Variants in ARHGAP15 observed in about 807,000 individuals in gnomAD.
The protein encoded by ARHGAP15 is rho GTPase-activating protein 15.
ARHGAP15 carries 51 observed loss-of-function variants against 63.7 expected under a neutral mutation model. The ratio of observed to expected loss-of-function variants is 0.80; its 90% CI spans 0.64 to 1.01. The LOEUF (loss-of-function observed/expected upper bound fraction) is 1.01. Ranked by LOEUF, ARHGAP15 falls within the 50% of genes least tolerant of loss-of-function variation. The pLI is 0.00. For missense variants in ARHGAP15, 560 were observed against 564.6 expected (o/e 0.99, Z 0.08); for synonymous variants, 191 against 193.8 (o/e 0.99, Z 0.12).
chr2:143,441,901 CAT>C (rs1689900285), intron 8 of ARHGAP15, among the ~76,000 whole-genome samples: 1 of 152,080 alleles, frequency 6.6e-6, no homozygotes, highest in Non-Finnish European at 1.5e-5. Flanking sequence ...CTCTTAATGA[CAT>C]GTGCAATAAG....
intron 11 of ARHGAP15, chr2:143,607,086 T>C (rs185342953): frequency 6.0e-4 from 91 of 152,360 alleles, no homozygotes; most frequent in African/African-American, 2.1e-3. Context: ...GTTTTTAGTT[T>C]TAAGTTTTGC....
chr2:143,690,408 T>C (rs1683543010), intron 12 of ARHGAP15, among the ~76,000 whole-genome samples: 1 of 152,204 alleles, frequency 6.6e-6, no homozygotes, highest in Non-Finnish European at 1.5e-5. Context: ...CACTGAAAGT[T>C]TGCAATCAAA....
chr2:143,165,263 GC>G (rs1281524125), intron 2 of ARHGAP15, among the ~76,000 whole-genome samples: 1 of 152,046 alleles, frequency 6.6e-6, no homozygotes, highest in Non-Finnish European at 1.5e-5. Context: ...AGAAACCAGT[GC>G]TGTTCTTGCC....
intron 8 of ARHGAP15, among the ~76,000 whole-genome samples, chr2:143,453,971 A>G (rs1306290899): frequency 6.6e-6 from 1 of 152,092 alleles, no homozygotes; most frequent in Non-Finnish European, 1.5e-5. Context: ...CTTTGGCAAT[A>G]GAATGTGGAA....
chr2:143,638,784 A>C (rs1680468523), intron 12 of ARHGAP15, among the ~76,000 whole-genome samples: 1 of 151,810 alleles, frequency 6.6e-6, no homozygotes, highest in Non-Finnish European at 1.5e-5. Context: ...TGAATCACTA[A>C]TACTATAAAC....
intron 12 of ARHGAP15, among the ~76,000 whole-genome samples, chr2:143,675,947 G>A (rs1188618583): frequency 1.3e-5 from 2 of 152,126 alleles, no homozygotes; most frequent in Non-Finnish European, 2.9e-5. Flanking sequence ...AACATAACAC[G>A]TTTCATCTCC....
intron 5 of ARHGAP15, among the ~76,000 whole-genome samples, chr2:143,231,241 A>G (rs541352639): frequency 1.3e-5 from 2 of 152,276 alleles, no homozygotes; most frequent in South Asian, 4.1e-4. Flanking sequence ...ATTGTGCTTT[A>G]TTATATCATA....
chr2:143,361,819 G>T (rs1409268566), intron 6 of ARHGAP15, among the ~76,000 whole-genome samples: 1 of 152,176 alleles, frequency 6.6e-6, no homozygotes, highest in Non-Finnish European at 1.5e-5. Flanking sequence ...GGGGCTGGCT[G>T]CCAGAGAGAT....
At chr2:143,513,360 T>TA (rs979431567) in intron 9 of ARHGAP15, among the ~76,000 whole-genome samples, 1 of 152,128 alleles carries the variant, frequency 6.6e-6, no homozygotes, top group Non-Finnish European at 1.5e-5. Context: ...TCCGTGGCAA[T>TA]AAAAAATACC....
chr2:143,554,614 A>C (rs1695709621), intron 10 of ARHGAP15, among the ~76,000 whole-genome samples: 1 of 152,120 alleles, frequency 6.6e-6, no homozygotes. Flanking sequence ...CTAAGTACCA[A>C]ACAGCATCTA....
chr2:143,667,663 T>A (rs909048432), intron 12 of ARHGAP15, among the ~76,000 whole-genome samples: 1 of 151,252 alleles, frequency 6.6e-6, no homozygotes, highest in African/African-American at 2.4e-5. Context: ...CAATTTATCA[T>A]AATTTGTGAT....
chr2:143,297,722 T>C (rs981248820), intron 6 of ARHGAP15, among the ~76,000 whole-genome samples: 1 of 151,986 alleles, frequency 6.6e-6, no homozygotes, highest in Non-Finnish European at 1.5e-5. Context: ...ACTATTTGTA[T>C]GTCTCTCAAA....
chr2:143,649,117 C>A (rs1464489994), intron 12 of ARHGAP15, among the ~76,000 whole-genome samples: 2 of 151,852 alleles, frequency 1.3e-5, no homozygotes, highest in Non-Finnish European at 2.9e-5. Flanking sequence ...TTATCAAATA[C>A]TGTAAAAAAG....
At chr2:143,382,668 C>T (rs1308984971) in intron 6 of ARHGAP15, among the ~76,000 whole-genome samples, 4 of 152,088 alleles carry the variant, frequency 2.6e-5, no homozygotes, top group Admixed American at 2.0e-4. Flanking sequence ...CCCATAACAC[C>T]AACTAAGAAC....
chr2:143,338,120 G>C (rs1021369221), intron 6 of ARHGAP15, among the ~76,000 whole-genome samples: 1 of 152,102 alleles, frequency 6.6e-6, no homozygotes, highest in Admixed American at 6.6e-5. Flanking sequence ...CCATGAAGTA[G>C]GAGTGCTATT....
intron 9 of ARHGAP15, among the ~76,000 whole-genome samples, chr2:143,488,306 T>C (rs925219110): frequency 3.3e-5 from 5 of 152,240 alleles, no homozygotes; most frequent in African/African-American, 1.2e-4. Context: ...TGCCCACTGC[T>C]TATTAATATA....
At chr2:143,725,025 G>A (rs1685218481) in intron 13 of ARHGAP15, among the ~76,000 whole-genome samples, 1 of 152,174 alleles carries the variant, frequency 6.6e-6, no homozygotes, top group African/African-American at 2.4e-5. Context: ...AGATTCAGAA[G>A]TTCTTTCTGA....
intron 6 of ARHGAP15, among the ~76,000 whole-genome samples, chr2:143,253,863 G>A (rs1680289581): frequency 6.6e-6 from 1 of 152,018 alleles, no homozygotes; most frequent in East Asian, 1.9e-4. Context: ...CACAAACACA[G>A]AAAGATAGTA....
At chr2:143,621,261 T>C (rs894523910) in intron 11 of ARHGAP15, among the ~76,000 whole-genome samples, 2 of 152,178 alleles carry the variant, frequency 1.3e-5, no homozygotes, top group African/African-American at 2.4e-5. Flanking sequence ...GAAACTCTAC[T>C]CTATTAGAAA....
Sources: allele counts gnomAD v4.1 joint callset (sites outside exome capture counted in the v4.1 genomes callset), GRCh38; gene constraint gnomAD v4.1.1; transcripts MANE v1.5; gene names NCBI Gene and HGNC (gene_info 2026-07-23, HGNC 2026-07-21).